Variants in CEP83 observed in about 807,000 individuals in gnomAD.
The protein encoded by CEP83 is centrosomal protein 83, also known as centrosomal protein of 83 kDa.
CEP83 carries 70 observed loss-of-function variants against 101.9 expected under a neutral mutation model. That is an observed-to-expected ratio of 0.69 (90% CI 0.57 to 0.84). The LOEUF is 0.84. Among genes scored for constraint, CEP83 ranks in the 40% least tolerant of loss-of-function variants. CEP83 has a pLI of 0.00. For synonymous variants in CEP83, 264 were observed against 267.9 expected (o/e 0.99, Z 0.14); for missense variants, 715 against 787.2 (o/e 0.91, Z 1.10).
chr12:94,342,928 G>A (rs2059748624), intron 11 of CEP83, among the ~76,000 whole-genome samples: 1 of 151,944 alleles, frequency 6.6e-6, no homozygotes, highest in South Asian at 2.1e-4. Context: ...TATACAAAGA[G>A]TCACATACAG....
At chr12:94,441,070 TA>T (rs1242244583) in intron 1 of CEP83, among the ~76,000 whole-genome samples, 1 of 152,124 alleles carries the variant, frequency 6.6e-6, no homozygotes, top group African/African-American at 2.4e-5. Flanking sequence ...CCTGAAACCA[TA>T]AAAATTCTAG....
At chr12:94,309,253 A>T (rs1375860627) in intron 16 of CEP83, among the ~76,000 whole-genome samples, 3 of 152,226 alleles carry the variant, frequency 2.0e-5, no homozygotes, top group Non-Finnish European at 4.4e-5. Context: ...ATTATAAACA[A>T]AGCACTTGGC....
intron 2 of CEP83, chr12:94,424,374 A>G (rs1036008865): frequency 6.2e-7 from 1 of 1,613,784 alleles, no homozygotes; most frequent in Non-Finnish European, 8.5e-7. Flanking sequence ...GTCTTAATAT[A>G]TTTTCCATTA....
intron 2 of CEP83, among the ~76,000 whole-genome samples, chr12:94,426,004 C>T (rs1224876874): frequency 6.6e-6 from 1 of 151,940 alleles, no homozygotes; most frequent in East Asian, 1.9e-4. Context: ...CGCCTGTAGT[C>T]CCAGCTACTC....
At chr12:94,422,243 T>C (rs1021270767) in intron 2 of CEP83, among the ~76,000 whole-genome samples, 2 of 152,226 alleles carry the variant, frequency 1.3e-5, no homozygotes, top group African/African-American at 4.8e-5. Context: ...GACACAGCCA[T>C]AGCATGGACG....
intron 6 of CEP83, among the ~76,000 whole-genome samples, chr12:94,388,764 G>A (rs2062323629): frequency 6.6e-6 from 1 of 152,104 alleles, no homozygotes; most frequent in African/African-American, 2.4e-5. Context: ...TTAATTCTGT[G>A]TGTTATTATT....
At chr12:94,335,451 A>G (rs953992544) in intron 12 of CEP83, 138 bp downstream of exon 12, 1 of 618,308 alleles carries the variant, frequency 1.6e-6, no homozygotes, top group Non-Finnish European at 2.9e-6. Context: ...TTATCTTTAC[A>G]TATCACCTCC....
intron 14 of CEP83, among the ~76,000 whole-genome samples, chr12:94,319,999 C>T (rs1473249429): frequency 6.6e-6 from 1 of 152,188 alleles, no homozygotes; most frequent in Non-Finnish European, 1.5e-5. Flanking sequence ...CTTTGTAGGT[C>T]TCTAAGAACT....
chr12:94,277,148 T>C, the CEP83 span: 5 of 152,224 alleles, frequency 3.3e-5, no homozygotes, highest in Non-Finnish European at 7.3e-5. Context: ...CAAGAGTTGG[T>C]GTCCTGTGAG....
At chr12:94,376,747 A>ATTT (rs55973264) in intron 7 of CEP83, among the ~76,000 whole-genome samples, 4,854 of 120,166 alleles carry the variant, frequency 0.04, 141 homozygotes, top group Middle Eastern at 0.066. Context: ...ATATATATAT[A>ATTT]TTTTTTTTTT....
chr12:94,418,876 T>G (rs1467723833), intron 2 of CEP83, among the ~76,000 whole-genome samples: 1 of 152,150 alleles, frequency 6.6e-6, no homozygotes, highest in Admixed American at 6.6e-5. Flanking sequence ...TAAAAGTGCA[T>G]CAATCTCATC....
intron 1 of CEP83, among the ~76,000 whole-genome samples, chr12:94,455,119 G>A (rs1421532799): frequency 6.6e-6 from 1 of 152,180 alleles, no homozygotes; most frequent in East Asian, 1.9e-4. Context: ...CCACCAGAAT[G>A]AACCAATTCC....
chr12:94,266,024 T>C, the CEP83 span, among the ~76,000 whole-genome samples: 6 of 152,204 alleles, frequency 3.9e-5, no homozygotes, highest in Non-Finnish European at 8.8e-5. Flanking sequence ...ATCTTTAGCT[T>C]TATGAAGATT....
At chr12:94,419,479 A>G (rs920021326) in intron 2 of CEP83, among the ~76,000 whole-genome samples, 3 of 152,184 alleles carry the variant, frequency 2.0e-5, no homozygotes, top group East Asian at 1.9e-4. Context: ...GTGTGTCTCT[A>G]TGTGTGAGAA....
chr12:94,299,296 C>T, the CEP83 span, among the ~76,000 whole-genome samples: 2 of 152,136 alleles, frequency 1.3e-5, no homozygotes, highest in African/African-American at 4.8e-5. Context: ...TAAGGACAGG[C>T]AAGGCATCCA....
At chr12:94,433,062 G>A (rs1322188200) in intron 2 of CEP83, among the ~76,000 whole-genome samples, 1 of 152,158 alleles carries the variant, frequency 6.6e-6, no homozygotes, top group Non-Finnish European at 1.5e-5. Flanking sequence ...GGAGATTAAG[G>A]AGAAGAACAT....
chr12:94,310,261 GA>G (rs1256492143), intron 15 of CEP83, among the ~76,000 whole-genome samples, 154 bp from the exon 16 acceptor site: 4 of 152,112 alleles, frequency 2.6e-5, no homozygotes, highest in African/African-American at 9.6e-5. Flanking sequence ...AAGATAAACA[GA>G]AACATGACAT....
At chr12:94,310,342 T>A (rs1477908379) in intron 15 of CEP83, among the ~76,000 whole-genome samples, 1 of 152,214 alleles carries the variant, frequency 6.6e-6, no homozygotes, top group African/African-American at 2.4e-5. Context: ...ATTTGCTAAT[T>A]AAAGATCTAA....
chr12:94,309,679 A>G (rs922928794), intron 16 of CEP83, among the ~76,000 whole-genome samples: 1 of 152,206 alleles, frequency 6.6e-6, no homozygotes, highest in Non-Finnish European at 1.5e-5. Flanking sequence ...TCTATCGTCC[A>G]GTAAGAGATT....
Sources: gnomAD v4.1 joint callset for allele counts (sites outside exome capture counted in the v4.1 genomes callset) on GRCh38, gnomAD v4.1.1 for gene constraint, MANE v1.5 for transcripts, NCBI Gene and HGNC (gene_info 2026-07-23, HGNC 2026-07-21) for gene names.